ATG7: variants seen among roughly 807,000 people sequenced by gnomAD.
ATG7 encodes the protein ubiquitin-like modifier-activating enzyme ATG7.
A neutral mutation model predicts 82.4 loss-of-function variants in ATG7; 70 were observed. The observed-to-expected ratio is 0.85, with a 90% confidence interval of 0.70 to 1.04. The LOEUF (loss-of-function observed/expected upper bound fraction) is 1.04. Ranked by LOEUF, ATG7 falls within the 50% of genes least tolerant of loss-of-function variation. The pLI, the probability that ATG7 is intolerant of heterozygous loss-of-function variation, is 0.00. For synonymous variants in ATG7, 287 were observed against 313.0 expected (o/e 0.92, Z 0.88); for missense variants, 792 against 864.3 (o/e 0.92, Z 1.05).
the ATG7 span, among the ~76,000 whole-genome samples, chr3:11,571,552 C>T: frequency 1.3e-5 from 2 of 151,804 alleles, no homozygotes; most frequent in African/African-American, 2.4e-5. Flanking sequence ...GGCATGGTAG[C>T]GCCTGTAATC....
chr3:11,306,816 A>T, intron 5 of ATG7, 127 bp from the exon 6 acceptor site: 1 of 717,970 alleles, frequency 1.4e-6, no homozygotes. Flanking sequence ...CCAAGAAAAC[A>T]TACAGTTAAT....
chr3:11,289,588 A>G (rs1459092693), intron 3 of ATG7, among the ~76,000 whole-genome samples: 1 of 152,184 alleles, frequency 6.6e-6, no homozygotes, highest in Non-Finnish European at 1.5e-5. Flanking sequence ...TATTTGAAGG[A>G]TGTGCCTCTT....
intron 20 of ATG7, among the ~76,000 whole-genome samples, chr3:11,499,710 G>A (rs954972956): frequency 6.7e-6 from 1 of 148,416 alleles, no homozygotes; most frequent in Non-Finnish European, 1.5e-5. Flanking sequence ...TCATGCCATT[G>A]CACTCCAGAC....
intron 3 of ATG7, among the ~76,000 whole-genome samples, chr3:11,283,525 C>G (rs981147424): frequency 6.6e-6 from 1 of 152,130 alleles, no homozygotes; most frequent in Non-Finnish European, 1.5e-5. Flanking sequence ...CCCTAGGCTT[C>G]TCAGCCAATA....
At chr3:11,388,765 T>G (rs2078529181) in intron 19 of ATG7, among the ~76,000 whole-genome samples, 1 of 152,026 alleles carries the variant, frequency 6.6e-6, no homozygotes, top group African/African-American at 2.4e-5. Context: ...TACATTCATC[T>G]TCATCCTCTT....
chr3:11,421,877 T>G (rs2152933425), intron 19 of ATG7, among the ~76,000 whole-genome samples: 1 of 152,342 alleles, frequency 6.6e-6, no homozygotes, highest in African/African-American at 2.4e-5. Flanking sequence ...ATTTATCTCT[T>G]TGTACATCTC....
intron 20 of ATG7, chr3:11,510,401 G>C: frequency 2.5e-6 from 1 of 403,300 alleles, no homozygotes; most frequent in Non-Finnish European, 4.9e-6. Flanking sequence ...AAAAAAATCT[G>C]AGTTACTGCT....
chr3:11,277,891 A>ACACCCC (rs1942174311), intron 1 of ATG7, among the ~76,000 whole-genome samples: 1 of 60,768 alleles, frequency 1.6e-5, no homozygotes, highest in Non-Finnish European at 2.9e-5. Flanking sequence ...CCCTTTATAG[A>ACACCCC]CCCCCCCCCC....
intron 20 of ATG7, among the ~76,000 whole-genome samples, chr3:11,526,156 T>C (rs1291883576): frequency 1.3e-5 from 2 of 152,124 alleles, no homozygotes; most frequent in Non-Finnish European, 2.9e-5. Context: ...TTTGGGAAGC[T>C]GAGGTGGTCA....
chr3:11,485,128 C>T (rs1213161798), intron 20 of ATG7, among the ~76,000 whole-genome samples: 1 of 152,202 alleles, frequency 6.6e-6, no homozygotes, highest in African/African-American at 2.4e-5. Context: ...CACTGACTTC[C>T]ACAAGGGTTG....
the ATG7 span, among the ~76,000 whole-genome samples, chr3:11,573,220 A>C: frequency 7.0e-6 from 1 of 143,844 alleles, no homozygotes; most frequent in East Asian, 2.0e-4. Flanking sequence ...GAGAGAGAGA[A>C]AGACAGACAG....
chr3:11,360,857 C>G (rs1190003633), intron 16 of ATG7, 73 bp downstream of exon 16: 2 of 1,472,894 alleles, frequency 1.4e-6, no homozygotes, highest in East Asian at 4.5e-5. Context: ...CGACTTGGCC[C>G]TTTCATTTAT....
At chr3:11,418,917 C>T (rs2081660622) in intron 19 of ATG7, among the ~76,000 whole-genome samples, 1 of 152,146 alleles carries the variant, frequency 6.6e-6, no homozygotes, top group Non-Finnish European at 1.5e-5. Flanking sequence ...TTTAAATCAT[C>T]AGATCTCATG....
At chr3:11,274,051 T>A (rs1393803918) in intron 1 of ATG7, among the ~76,000 whole-genome samples, 1 of 152,174 alleles carries the variant, frequency 6.6e-6, no homozygotes, top group South Asian at 2.1e-4. Context: ...TTCTGCTGCT[T>A]CGAACATCTC....
chr3:11,405,290 C>T (rs1326637379), intron 19 of ATG7, among the ~76,000 whole-genome samples: 1 of 152,112 alleles, frequency 6.6e-6, no homozygotes. Flanking sequence ...CCCCCTTGCC[C>T]CCACTGACTA....
chr3:11,288,684 G>T (rs1156529775), intron 3 of ATG7: 1 of 152,196 alleles, frequency 6.6e-6, no homozygotes, highest in African/African-American at 2.4e-5. Flanking sequence ...CACATTTCCT[G>T]TGGGGATTTG....
rs183224111 is a variant in ATG7 at position 11,432,189 on chromosome 3, C to T, written c.2079+5263C>T. Among the ~76,000 whole-genome samples, 13 of 152,186 alleles carry T rather than the reference C, an allele frequency of 8.5e-5. No individual in the cohort carries two copies. The East Asian group carries it at 2.5e-3, about 29-fold the overall frequency. Reference sequence around the variant, plus strand: ...TAATGGGATAAGTGAGTGAAAATGACTGGTTGGCGTTGGAGATGGGATGGA... The same window carrying T: ...TAATGGGATAAGTGAGTGAAAATGATTGGTTGGCGTTGGAGATGGGATGGA... On this transcript the variant is annotated intron_variant, in intron 20 of 20. Transcript: ENST00000693202.
intron 19 of ATG7, among the ~76,000 whole-genome samples, chr3:11,424,404 A>C (rs1431458615): frequency 6.6e-6 from 1 of 152,008 alleles, no homozygotes; most frequent in Non-Finnish European, 1.5e-5. Context: ...ACCTGAACCC[A>C]GGAGGTTGAG....
intron 20 of ATG7, among the ~76,000 whole-genome samples, chr3:11,547,711 T>C (rs1043120977): frequency 1.3e-5 from 2 of 152,234 alleles, no homozygotes; most frequent in Non-Finnish European, 2.9e-5. Flanking sequence ...ACTGCAGCCA[T>C]CCTAGTGGGT....
Sources: allele counts gnomAD v4.1 joint callset (sites outside exome capture counted in the v4.1 genomes callset), GRCh38; gene constraint gnomAD v4.1.1; transcripts MANE v1.5; gene names NCBI Gene and HGNC (gene_info 2026-07-23, HGNC 2026-07-21).